ALKAL1: variants seen among roughly 807,000 people sequenced by gnomAD.
ALKAL1 encodes AUG-beta.
ALKAL1 carries 23 observed loss-of-function variants against 13.5 expected under a neutral mutation model. That is an observed-to-expected ratio of 1.70 (90% CI 1.23 to 2.41). The LOEUF (loss-of-function observed/expected upper bound fraction) is 2.41, where lower values mean the gene tolerates loss of function less well. Among genes scored for constraint, ALKAL1 ranks in the 30% most tolerant of loss-of-function variants. The pLI is 0.00. For missense variants in ALKAL1, 181 were observed against 178.4 expected (o/e 1.01, Z -0.08); for synonymous variants, 85 against 77.7 (o/e 1.09, Z -0.49).
intron 2 of ALKAL1, among the ~76,000 whole-genome samples, chr8:52,541,255 C>T (rs148822805): frequency 2.0e-3 from 298 of 152,254 alleles, no homozygotes; most frequent in Non-Finnish European, 3.3e-3. Flanking sequence ...GCAGGAGGAT[C>T]ACTTGAGCCA....
intron 1 of ALKAL1, among the ~76,000 whole-genome samples, chr8:52,549,579 C>T (rs940408613): frequency 5.3e-5 from 8 of 151,706 alleles, no homozygotes; most frequent in South Asian, 4.2e-4. Context: ...GAAAAAGGGC[C>T]GACTCTAGTA....
chr8:52,559,238 A>G (rs537450016), intron 1 of ALKAL1, among the ~76,000 whole-genome samples: 1 of 152,316 alleles, frequency 6.6e-6, no homozygotes, highest in South Asian at 2.1e-4. Flanking sequence ...AGTGATTCTA[A>G]AAAAGGGGGC....
In ALKAL1 at chr8:52,565,321, C is replaced by T. The variant is rs1440440839; in HGVS notation, c.-65G>A. 1.2e-5 allele frequency: 15 copies of T among 1,221,700 alleles called. No individual in the cohort carries two copies. Among genetic ancestry groups the T allele is most frequent in the Non-Finnish European group, 1.6e-5 (15 of 957,738 alleles). The allele number at this position is 1,221,700 out of a possible 1,614,324, so 75.7% of individuals were successfully genotyped here. On this transcript the variant is annotated 5_prime_UTR_variant, in exon 1 of 5. Coordinates refer to ENST00000358543, the MANE Select transcript of ALKAL1 (RefSeq NM_207413.4). The stretch of plus-strand genomic sequence containing the variant: ...GATCCCGACGCAGGTCCGGAGGGTG[C>T]GCGGCCCAAGAGAAGGCCAGCGGGA...
chr8:52,562,230 G>A (rs1847558035), intron 1 of ALKAL1, among the ~76,000 whole-genome samples: 1 of 152,146 alleles, frequency 6.6e-6, no homozygotes, highest in African/African-American at 2.4e-5. Context: ...TAATAGAGTT[G>A]GAGATGATCG....
chr8:52,536,257 T>C (rs534149755), intron 4 of ALKAL1, among the ~76,000 whole-genome samples: 1 of 152,272 alleles, frequency 6.6e-6, no homozygotes, highest in South Asian at 2.1e-4. Flanking sequence ...TGATTTTCAT[T>C]CCCACCTTCA....
intron 4 of ALKAL1, among the ~76,000 whole-genome samples, chr8:52,537,094 T>G (rs539570107): frequency 6.6e-6 from 1 of 152,276 alleles, no homozygotes; most frequent in Admixed American, 6.5e-5. Flanking sequence ...GACAAGGGAC[T>G]AATATCCAGA....
At chr8:52,541,595 C>T (rs1453109275) in intron 2 of ALKAL1, among the ~76,000 whole-genome samples, 1 of 152,038 alleles carries the variant, frequency 6.6e-6, no homozygotes, top group Non-Finnish European at 1.5e-5. Flanking sequence ...TGGTGAAACC[C>T]CATCTCTACT....
chr8:52,551,179 T>G (rs1847424049), intron 1 of ALKAL1, among the ~76,000 whole-genome samples: 1 of 152,244 alleles, frequency 6.6e-6, no homozygotes, highest in Non-Finnish European at 1.5e-5. Flanking sequence ...TGTGAGGTTT[T>G]ATTACAACCT....
At chr8:52,545,708 T>C (rs902204530) in intron 1 of ALKAL1, among the ~76,000 whole-genome samples, 1 of 152,216 alleles carries the variant, frequency 6.6e-6, no homozygotes, top group Non-Finnish European at 1.5e-5. Flanking sequence ...GGCTGTGTCA[T>C]GGGTGCATCC....
At chr8:52,540,496 C>A (rs1241647038) in intron 2 of ALKAL1, among the ~76,000 whole-genome samples, 1 of 152,102 alleles carries the variant, frequency 6.6e-6, no homozygotes, top group Non-Finnish European at 1.5e-5. Context: ...GAGGCCAAGG[C>A]AGGAGGATCA....
intron 3 of ALKAL1, among the ~76,000 whole-genome samples, chr8:52,539,544 G>A (rs1847293267): frequency 6.6e-6 from 1 of 151,946 alleles, no homozygotes; most frequent in Non-Finnish European, 1.5e-5. Context: ...TTATGCCAAG[G>A]AATTCGAATC....
At chr8:52,550,336 C>G (rs1449124357) in intron 1 of ALKAL1, among the ~76,000 whole-genome samples, 2 of 152,122 alleles carry the variant, frequency 1.3e-5, no homozygotes, top group Non-Finnish European at 2.9e-5. Context: ...AAATGCAAAC[C>G]AAGCCCAGAC....
Position 52,542,947 on chromosome 8 carries a change from T to C in ALKAL1, c.191-502A>G, listed in dbSNP as rs1476763568. On this transcript the variant is annotated intron_variant, in intron 1 of 4. Transcript: ENST00000358543. ...CCAAGCCATCGTCCTTTTGTGACCA[T>C]GCCTTGGCAGTGGCCTCCTAACCCC... Among the ~76,000 whole-genome samples, 3 of 152,366 alleles carry C rather than the reference T, an allele frequency of 2.0e-5. No individual in the cohort carries two copies. The South Asian group carries it at 6.2e-4, about 32-fold the overall frequency.
At chr8:52,553,417 T>G (rs949250416) in intron 1 of ALKAL1, among the ~76,000 whole-genome samples, 1 of 152,200 alleles carries the variant, frequency 6.6e-6, no homozygotes, top group Non-Finnish European at 1.5e-5. Context: ...AAATTTATTT[T>G]AAATGATCTG....
chr8:52,553,063 G>A (rs956429546), intron 1 of ALKAL1, among the ~76,000 whole-genome samples: 1 of 152,138 alleles, frequency 6.6e-6, no homozygotes, highest in Non-Finnish European at 1.5e-5. Flanking sequence ...GTACTTAATG[G>A]TATATATTCT....
intron 1 of ALKAL1, among the ~76,000 whole-genome samples, chr8:52,547,952 G>A (rs1040816736): frequency 1.8e-4 from 27 of 152,120 alleles, no homozygotes; most frequent in African/African-American, 6.0e-4. Flanking sequence ...AAAATTCAGG[G>A]TGTATTTTGC....
In ALKAL1 at chr8:52,542,386, A is replaced by C. The variant is rs769933835; in HGVS notation, c.244+6T>G. ...TAATGGAATCACTGATACATTTTGT[A>C]CTTACCTGTGAAATGCTTTATGAAT... On this transcript the variant is annotated splice_donor_region_variant and intron_variant, in intron 2 of 4. Coordinates refer to ENST00000358543, the MANE Select transcript of ALKAL1 (RefSeq NM_207413.4). 1 of 1,518,566 alleles carries C rather than the reference A, an allele frequency of 6.6e-7. No homozygotes were observed. Among genetic ancestry groups the C allele is most frequent in the South Asian group, 1.2e-5 (1 of 85,994 alleles). 94.1% of individuals were successfully genotyped at this position (1,518,566 alleles called of 1,614,324 possible). A position where few individuals can be genotyped will look rare whatever the true frequency, so the allele number is the denominator to read the frequency against.
Position 52,547,470 on chromosome 8 carries a change from A to T in ALKAL1, c.191-5025T>A, listed in dbSNP as rs552169713. On this transcript the variant is annotated intron_variant, in intron 1 of 4. Coordinates refer to ENST00000358543, the MANE Select transcript of ALKAL1 (RefSeq NM_207413.4). ...AGCCAAGATCGCACCACTGCACTCC[A>T]GCCTGGGTGACAGAGCAAGATTCCA... Among the ~76,000 whole-genome samples, 77 of 152,328 alleles carry T rather than the reference A, an allele frequency of 5.1e-4. 1 individual carries two copies. The highest frequency in any genetic ancestry group is 1.0e-3 in the Non-Finnish European group (70 of 68,028).
At chr8:52,563,166 C>G (rs1362731696) in intron 1 of ALKAL1, among the ~76,000 whole-genome samples, 2 of 152,178 alleles carry the variant, frequency 1.3e-5, no homozygotes, top group Non-Finnish European at 2.9e-5. Flanking sequence ...GCCTGTAATT[C>G]CAGCACTTTG....
Sources: gnomAD v4.1 joint callset for allele counts (sites outside exome capture counted in the v4.1 genomes callset) on GRCh38, gnomAD v4.1.1 for gene constraint, MANE v1.5 for transcripts, NCBI Gene and HGNC (gene_info 2026-07-23, HGNC 2026-07-21) for gene names.